Variants in SNRPD1 observed in about 807,000 individuals in gnomAD.
SNRPD1 encodes small nuclear ribonucleoprotein Sm D1.
In SNRPD1, 1 loss-of-function variant was observed where a neutral mutation model predicts 14.4. That is an observed-to-expected ratio of 0.07 (90% CI 0.02 to 0.33). SNRPD1 has a LOEUF of 0.33. Ranked by LOEUF, SNRPD1 falls within the 10% of genes least tolerant of loss-of-function variation. SNRPD1 has a pLI of 1.00. For synonymous variants in SNRPD1, 42 were observed against 50.3 expected (o/e 0.83, Z 0.70); for missense variants, 52 against 146.4 (o/e 0.36, Z 3.33).
intron 1 of SNRPD1, among the ~76,000 whole-genome samples, chr18:21,616,462 A>G (rs960968836): frequency 6.6e-6 from 1 of 151,532 alleles, no homozygotes; most frequent in Non-Finnish European, 1.5e-5. Flanking sequence ...GGTTCAAGCG[A>G]TTCTCCTACC....
Position 21,623,752 on chromosome 18 carries a change from G to T in SNRPD1, c.96G>T (p.Val32=). ...GTQVHGTITG[V]DVSMNTHLKA... is the part of the protein sequence containing the mutation. ...CACAATTATTTTCCTCTTTAGGTGT[G>T]GATGTCAGCATGAATACACATCTTA... Residue 32 remains valine (V), a synonymous_variant, in exon 3 of 4, where the codon GTG becomes GTT. Coordinates refer to ENST00000300413, the MANE Select transcript of SNRPD1 (RefSeq NM_006938.4). 6.2e-7 allele frequency: 1 copy of T among 1,605,214 alleles called. No individual in the cohort carries two copies. The highest frequency in any genetic ancestry group is 8.5e-7 in the Non-Finnish European group (1 of 1,176,566).
chr18:21,629,142 C>T lies in SNRPD1; in HGVS notation c.*4C>T. The T allele has an allele frequency of 6.2e-7, 1 of 1,602,254 alleles. No individual in the cohort carries two copies. The highest frequency in any genetic ancestry group is 1.1e-5 in the South Asian group (1 of 90,826). The stretch of plus-strand genomic sequence containing the variant: ...AAGAGGGGGTCCTAGGCGATAATGT[C>T]TCTCAAGATTTCAAAGTCATATGAG... On this transcript the variant is annotated 3_prime_UTR_variant, in exon 4 of 4. Coordinates refer to ENST00000300413, the MANE Select transcript of SNRPD1 (RefSeq NM_006938.4).
At chr18:21,613,557 T>G (rs1055090649) in intron 1 of SNRPD1, among the ~76,000 whole-genome samples, 25 of 152,132 alleles carry the variant, frequency 1.6e-4, no homozygotes, top group African/African-American at 5.8e-4. Context: ...CATAAAAGCC[T>G]TCAACACTCA....
chr18:21,629,164 T>C lies in SNRPD1; in HGVS notation c.*26T>C, dbSNP rs767335454. ...TGTCTCTCAAGATTTCAAAGTCATA[T>C]GAGATTTGGGATATTTTTTGTACAG... is the stretch of plus-strand genomic sequence containing the variant. On this transcript the variant is annotated 3_prime_UTR_variant, in exon 4 of 4. Coordinates refer to ENST00000300413, the MANE Select transcript of SNRPD1 (RefSeq NM_006938.4). The C allele has an allele frequency of 6.5e-7, 1 of 1,540,200 alleles. No homozygotes were observed. The highest frequency in any genetic ancestry group is 9.0e-7 in the Non-Finnish European group (1 of 1,113,414).
At chr18:21,623,604 T>G in intron 2 of SNRPD1, 144 bp from the exon 3 acceptor site, 1 of 625,372 alleles carries the variant, frequency 1.6e-6, no homozygotes, top group Non-Finnish European at 2.9e-6. Flanking sequence ...CAGTTGCACA[T>G]GTGCTAAATT....
At chr18:21,616,709 T>A (rs1195040249) in intron 1 of SNRPD1, among the ~76,000 whole-genome samples, 1 of 143,602 alleles carries the variant, frequency 7.0e-6, no homozygotes, top group East Asian at 2.1e-4. Context: ...TTTTTTGAGA[T>A]GGAGTCTTGC....
At chr18:21,613,163 C>T (rs1270154643) in intron 1 of SNRPD1, among the ~76,000 whole-genome samples, 1 of 152,244 alleles carries the variant, frequency 6.6e-6, no homozygotes, top group Admixed American at 6.5e-5. Flanking sequence ...ATATAGTTCT[C>T]CTGTTTTATT....
intron 1 of SNRPD1, among the ~76,000 whole-genome samples, chr18:21,622,144 CTT>C (rs757318055): frequency 4.2e-5 from 6 of 143,372 alleles, no homozygotes; most frequent in Non-Finnish European, 4.6e-5. Context: ...TTCTTTATTT[CTT>C]TTTTTTTTTT....
intron 1 of SNRPD1, among the ~76,000 whole-genome samples, chr18:21,620,270 A>T (rs1169498452): frequency 6.6e-6 from 1 of 151,212 alleles, no homozygotes; most frequent in Non-Finnish European, 1.5e-5. Flanking sequence ...TTTTTTTTTT[A>T]TTTTTATTTT....
intron 3 of SNRPD1, 93 bp downstream of exon 3, chr18:21,624,032 C>T: frequency 2.6e-6 from 2 of 756,480 alleles, no homozygotes; most frequent in Non-Finnish European, 4.3e-6. Context: ...ACACAAGTGT[C>T]TTTGTTGTTT....
chr18:21,623,376 CA>C (rs1182161992), intron 2 of SNRPD1, among the ~76,000 whole-genome samples: 1 of 152,102 alleles, frequency 6.6e-6, no homozygotes, highest in East Asian at 1.9e-4. Flanking sequence ...CAGAGAGAAG[CA>C]GAAACAAAGG....
chr18:21,614,208 A>C (rs902156186), intron 1 of SNRPD1, among the ~76,000 whole-genome samples: 1 of 152,134 alleles, frequency 6.6e-6, no homozygotes, highest in Non-Finnish European at 1.5e-5. Context: ...GGGAGGTTGC[A>C]GTGAGCTGAG....
chr18:21,619,759 G>A (rs2038983840), intron 1 of SNRPD1, among the ~76,000 whole-genome samples: 2 of 151,506 alleles, frequency 1.3e-5, no homozygotes, highest in South Asian at 2.1e-4. Context: ...CAGCCTGGGT[G>A]ACAGAGCGAG....
intron 1 of SNRPD1, among the ~76,000 whole-genome samples, chr18:21,616,979 C>T (rs1417490738): frequency 6.6e-6 from 1 of 152,066 alleles, no homozygotes; most frequent in Non-Finnish European, 1.5e-5. Flanking sequence ...AGCCACTGTG[C>T]CCAGCCTATA....
At chr18:21,628,707 T>C (rs2039058307) in intron 3 of SNRPD1, among the ~76,000 whole-genome samples, 1 of 152,236 alleles carries the variant, frequency 6.6e-6, no homozygotes, top group East Asian at 1.9e-4. Flanking sequence ...TTTTATTCTG[T>C]GATATATATC....
At chr18:21,617,729 G>T (rs557453927) in intron 1 of SNRPD1, among the ~76,000 whole-genome samples, 6 of 152,202 alleles carry the variant, frequency 3.9e-5, no homozygotes, top group African/African-American at 1.4e-4. Flanking sequence ...TCGGCCAGGC[G>T]TGGTGGTTCA....
chr18:21,612,642 A>G (rs895831755), intron 1 of SNRPD1, among the ~76,000 whole-genome samples, 199 bp downstream of exon 1: 1 of 152,274 alleles, frequency 6.6e-6, no homozygotes, highest in Non-Finnish European at 1.5e-5. Context: ...CGTGTCTTCC[A>G]AGAGATTGGT....
intron 3 of SNRPD1, among the ~76,000 whole-genome samples, chr18:21,625,764 C>G (rs1220126224): frequency 6.6e-6 from 1 of 152,138 alleles, no homozygotes; most frequent in African/African-American, 2.4e-5. Context: ...GCGCCTGCAA[C>G]CACGCCCGGC....
intron 1 of SNRPD1, among the ~76,000 whole-genome samples, chr18:21,619,439 C>T (rs977829204): frequency 6.6e-6 from 1 of 151,906 alleles, no homozygotes; most frequent in African/African-American, 2.4e-5. Context: ...GCCTCGCCCT[C>T]CCAAAGTGCT....
Sources: gnomAD v4.1 joint callset for allele counts (sites outside exome capture counted in the v4.1 genomes callset) on GRCh38, gnomAD v4.1.1 for gene constraint, MANE v1.5 for transcripts, NCBI Gene and HGNC (gene_info 2026-07-23, HGNC 2026-07-21) for gene names.